Variants in DOCK4 observed in about 807,000 individuals in gnomAD.
DOCK4 encodes dedicator of cytokinesis protein 4.
DOCK4 carries 97 observed loss-of-function variants against 268.1 expected under a neutral mutation model. The ratio of observed to expected loss-of-function variants is 0.36; its 90% confidence interval spans 0.31 to 0.43. The LOEUF (loss-of-function observed/expected upper bound fraction) is 0.43. Among genes scored for constraint, DOCK4 ranks in the 20% least tolerant of loss-of-function variants. The pLI is 1.00. For missense variants in DOCK4, 2,145 were observed against 2,455.7 expected (o/e 0.87, Z 2.67); for synonymous variants, 954 against 887.2 (o/e 1.08, Z -1.34).
chr7:112,058,746 A>G (rs1009481495), intron 1 of DOCK4, among the ~76,000 whole-genome samples: 3 of 152,218 alleles, frequency 2.0e-5, no homozygotes, highest in Non-Finnish European at 2.9e-5. Flanking sequence ...AGAGAAAGAA[A>G]AAGGAAAAAG....
intron 1 of DOCK4, among the ~76,000 whole-genome samples, chr7:112,035,586 G>C (rs577505364): frequency 1.3e-5 from 2 of 152,258 alleles, no homozygotes; most frequent in African/African-American, 4.8e-5. Context: ...GGCAGAGGAA[G>C]TGAAAATCTA....
intron 17 of DOCK4, among the ~76,000 whole-genome samples, chr7:111,876,675 C>A (rs569040082): frequency 6.6e-6 from 1 of 151,412 alleles, no homozygotes; most frequent in East Asian, 1.9e-4. Context: ...CAAAAAACAG[C>A]CTTTATTCTA....
Position 112,062,438 on chromosome 7 carries a change from A to G in DOCK4, c.38-58307T>C, listed in dbSNP as rs112231426. Among the ~76,000 whole-genome samples the G allele has an allele frequency of 2.5e-3, 385 of 152,252 alleles. 3 individuals carry two copies. Among genetic ancestry groups the G allele is most frequent in the African/African-American group, 8.9e-3 (370 of 41,546 alleles). On this transcript the variant is annotated intron_variant, in intron 1 of 52. Transcript: ENST00000428084. Reference sequence around the variant, plus strand: ...CTAATTTCTTAAATCTTATATTCCAAAGTGAAGGCAGCTGTCAATGTTTTT... The same window carrying G: ...CTAATTTCTTAAATCTTATATTCCAGAGTGAAGGCAGCTGTCAATGTTTTT...
At position 111,735,176 on chromosome 7, in the gene DOCK4, G is replaced by T. The variant is rs954256261; in HGVS notation, c.5306-9C>A. On this transcript the variant is annotated splice_polypyrimidine_tract_variant and intron_variant, in intron 50 of 52. Coordinates refer to ENST00000428084, the MANE Select transcript of DOCK4 (RefSeq NM_001363540.2). ...AGGGGTGGGGTTCACAGCTGGAAGG[G>T]AATAACACAGCTAAAAACACACGGT... 1 of 1,546,824 alleles carries T rather than the reference G, an allele frequency of 6.5e-7. No individual in the cohort carries two copies. Among genetic ancestry groups the T allele is most frequent in the Non-Finnish European group, 8.8e-7 (1 of 1,141,602 alleles).
chr7:111,916,545 A>G (rs1792601506), intron 12 of DOCK4, among the ~76,000 whole-genome samples: 1 of 152,176 alleles, frequency 6.6e-6, no homozygotes, highest in South Asian at 2.1e-4. Context: ...AAGAGAATTT[A>G]GTCAGTAAAG....
chr7:112,009,367 C>A (rs1392482355), intron 1 of DOCK4, among the ~76,000 whole-genome samples: 2 of 152,240 alleles, frequency 1.3e-5, no homozygotes, highest in African/African-American at 2.4e-5. Flanking sequence ...CAAAGCTACT[C>A]TTCTCAAGTT....
chr7:112,105,117 A>T (rs78678593), intron 1 of DOCK4, among the ~76,000 whole-genome samples: 1 of 152,190 alleles, frequency 6.6e-6, no homozygotes. Context: ...CTTGTATCCA[A>T]GTGGAAAAAC....
chr7:112,157,116 A>G (rs997983166), intron 1 of DOCK4, among the ~76,000 whole-genome samples: 1 of 151,942 alleles, frequency 6.6e-6, no homozygotes, highest in Non-Finnish European at 1.5e-5. Flanking sequence ...TTGGGAGGTG[A>G]GACTCAAATT....
chr7:112,083,878 A>C (rs1808815440), intron 1 of DOCK4, among the ~76,000 whole-genome samples: 1 of 152,190 alleles, frequency 6.6e-6, no homozygotes, highest in Non-Finnish European at 1.5e-5. Context: ...TCATGGAATA[A>C]GTATACTTCC....
At position 111,747,431 on chromosome 7, in the gene DOCK4, G is replaced by C. The variant is rs1234496604; in HGVS notation, c.4429C>G (p.Pro1477Ala). The C allele has an allele frequency of 6.3e-7, 1 of 1,599,398 alleles. No individual in the cohort carries two copies. The highest frequency in any genetic ancestry group is 1.1e-5 in the South Asian group (1 of 89,060). ...AGCACTTCAATTGCATTTTCCAGAGGACTCATTTCTACCTGAGAAGCAAAT... is the reference window on the plus strand; with the variant it reads ...AGCACTTCAATTGCATTTTCCAGAGCACTCATTTCTACCTGAGAAGCAAAT... The part of the protein sequence containing the change: ...VEKREVVEMS[P>A]LENAIEVLEN... The change falls in exon 43 of 53, where the codon CCT becomes GCT. Residue 1477 changes from proline (P) to alanine (A), a missense_variant. By Grantham distance (27) the Pro-to-Ala change is conservative (BLOSUM62 -1). Transcript: ENST00000428084.
intron 37 of DOCK4, among the ~76,000 whole-genome samples, chr7:111,768,117 G>C (rs983671382): frequency 6.6e-6 from 1 of 152,254 alleles, no homozygotes; most frequent in South Asian, 2.1e-4. Context: ...AAAATGTTAT[G>C]ATTCCTTTGA....
At chr7:112,035,269 A>G (rs1364179013) in intron 1 of DOCK4, among the ~76,000 whole-genome samples, 1 of 152,196 alleles carries the variant, frequency 6.6e-6, no homozygotes, top group East Asian at 1.9e-4. Flanking sequence ...AGTGGCCTCC[A>G]CTATGTATGA....
intron 39 of DOCK4, among the ~76,000 whole-genome samples, chr7:111,764,423 T>C (rs1471169423): frequency 2.0e-5 from 3 of 152,234 alleles, no homozygotes; most frequent in Admixed American, 2.0e-4. Flanking sequence ...CTATCCCAGA[T>C]ACCTTTCCTT....
chr7:111,741,963 C>A, intron 45 of DOCK4, 50 bp downstream of exon 45: 1 of 1,514,364 alleles, frequency 6.6e-7, no homozygotes, highest in Non-Finnish European at 8.8e-7. Flanking sequence ...CTTTAACAAG[C>A]AAACGGCAGT....
At chr7:112,002,639 A>T (rs919873081) in intron 2 of DOCK4, among the ~76,000 whole-genome samples, 1 of 152,186 alleles carries the variant, frequency 6.6e-6, no homozygotes, top group African/African-American at 2.4e-5. Context: ...AAACCTTGAT[A>T]TGATAAAAAT....
rs1474240806 is a variant in DOCK4, at chr7:111,760,309, A to G, written c.4034T>C (p.Val1345Ala). The change falls in exon 40 of 53, where the codon GTG (valine) becomes GCG (alanine). Residue 1345 changes from valine (V) to alanine (A), a missense_variant. Coordinates refer to ENST00000428084, the MANE Select transcript of DOCK4 (RefSeq NM_001363540.2). The part of the protein sequence containing the change: ...FPFFLRNKEF[V>A]CRGHDYERLE... ...CCTCTCGTAGTCATGCCCTCGACAC[A>G]CAAACTCCTTATTCTGGAGATGAAA... is the stretch of plus-strand genomic sequence containing the variant. The G allele has an allele frequency of 6.2e-7, 1 of 1,613,464 alleles. No individual in the cohort carries two copies. The highest frequency in any genetic ancestry group is 2.2e-5 in the East Asian group (1 of 44,876).
chr7:111,738,991 CAG>C (rs1435645791), intron 49 of DOCK4, 141 bp downstream of exon 49: 3 of 633,736 alleles, frequency 4.7e-6, no homozygotes, highest in East Asian at 2.8e-5. Context: ...GGGCAGAAAA[CAG>C]AGGTGCAATC....
intron 1 of DOCK4, among the ~76,000 whole-genome samples, chr7:112,094,318 A>C (rs933017369): frequency 5.9e-5 from 9 of 152,186 alleles, no homozygotes; most frequent in African/African-American, 2.2e-4. Context: ...AAAAAAGTGG[A>C]CTATGAGAAA....
chr7:112,196,650 G>A (rs1396417519), intron 1 of DOCK4, among the ~76,000 whole-genome samples: 1 of 152,118 alleles, frequency 6.6e-6, no homozygotes, highest in Non-Finnish European at 1.5e-5. Flanking sequence ...ACAGAGAGTG[G>A]GGAAGGGGCA....
Sources: allele counts gnomAD v4.1 joint callset (sites outside exome capture counted in the v4.1 genomes callset), GRCh38; gene constraint gnomAD v4.1.1; transcripts MANE v1.5; gene names NCBI Gene and HGNC (gene_info 2026-07-23, HGNC 2026-07-21).